FMN1: variants seen among roughly 807,000 people sequenced by gnomAD.
The protein encoded by FMN1 is formin 1.
A neutral mutation model predicts 132.4 loss-of-function variants in FMN1; 110 were observed. The ratio of observed to expected loss-of-function variants is 0.83; its 90% CI spans 0.71 to 0.97. The LOEUF (loss-of-function observed/expected upper bound fraction) is 0.97, where lower values mean the gene tolerates loss of function less well. FMN1 is among the 50% of genes least tolerant of loss of function. The probability of loss-of-function intolerance (pLI) is 0.00; values close to 1 mark genes in which losing one functional copy is unlikely to be tolerated. For missense variants in FMN1, 1,792 were observed against 1,705.3 expected (o/e 1.05, Z -0.90); for synonymous variants, 722 against 651.7 (o/e 1.11, Z -1.64).
At chr15:32,875,980 G>A (rs2059627421) in intron 16 of FMN1, among the ~76,000 whole-genome samples, 1 of 152,086 alleles carries the variant, frequency 6.6e-6, no homozygotes, top group African/African-American at 2.4e-5. Flanking sequence ...AGCTGCATAT[G>A]CCTGCCCTAC....
intron 12 of FMN1, among the ~76,000 whole-genome samples, chr15:32,905,154 G>A (rs926313290): frequency 1.3e-5 from 2 of 152,192 alleles, no homozygotes; most frequent in Non-Finnish European, 2.9e-5. Flanking sequence ...TATGAAAGAC[G>A]TTCTGTGTCT....
intron 16 of FMN1, among the ~76,000 whole-genome samples, chr15:32,879,886 C>T (rs931110326): frequency 2.0e-5 from 3 of 151,840 alleles, no homozygotes; most frequent in African/African-American, 7.3e-5. Context: ...CAAAGTTATA[C>T]GTGCACGCAG....
In FMN1 at chr15:33,020,883, A is replaced by G. The variant is rs186378664; in HGVS notation, c.2162-12808T>C. On this transcript the variant is annotated intron_variant, in intron 6 of 20. Coordinates refer to ENST00000616417, the MANE Select transcript of FMN1 (RefSeq NM_001277313.2). ...AGACTTTATTGTATTTCATTTGATC[A>G]TTTTATATATGTTAATGTGAACGAC... 4.0e-3 allele frequency among the ~76,000 whole-genome samples: 614 copies of G among 152,286 alleles called. 24 individuals are homozygous for G. In the South Asian group the frequency reaches 0.083, roughly 21 times the overall value.
chr15:33,147,690 C>T (rs1380131235), intron 4 of FMN1, among the ~76,000 whole-genome samples: 2 of 152,130 alleles, frequency 1.3e-5, no homozygotes, highest in African/African-American at 4.8e-5. Context: ...AATCACATTC[C>T]CCTTTAAAAA....
intron 16 of FMN1, among the ~76,000 whole-genome samples, chr15:32,886,194 T>C (rs1042795783): frequency 2.0e-5 from 3 of 152,206 alleles, no homozygotes; most frequent in Non-Finnish European, 2.9e-5. Flanking sequence ...CTTTCATGTG[T>C]TGAAAACACT....
intron 9 of FMN1, among the ~76,000 whole-genome samples, chr15:32,927,605 A>G (rs2060994018): frequency 6.6e-6 from 1 of 152,202 alleles, no homozygotes; most frequent in Non-Finnish European, 1.5e-5. Flanking sequence ...ATCTTCATAG[A>G]AACTCCACAT....
chr15:33,122,854 T>G (rs1269856535), intron 4 of FMN1, among the ~76,000 whole-genome samples: 1 of 152,174 alleles, frequency 6.6e-6, no homozygotes, highest in African/African-American at 2.4e-5. Flanking sequence ...AGAAAGAGAT[T>G]GACATAGTAT....
intron 7 of FMN1, among the ~76,000 whole-genome samples, chr15:32,978,206 C>CT (rs1326293600): frequency 1.3e-5 from 2 of 152,056 alleles, no homozygotes; most frequent in Admixed American, 1.3e-4. Context: ...AGGAATACAC[C>CT]TTTAAAATCA....
At chr15:33,131,221 C>T (rs6494893) in intron 4 of FMN1, among the ~76,000 whole-genome samples, 33,808 of 150,192 alleles carry the variant, frequency 0.23, 5,624 homozygotes, top group African/African-American at 0.48. Flanking sequence ...CCCAGCTACT[C>T]GGGAGGCTGA....
intron 16 of FMN1, among the ~76,000 whole-genome samples, chr15:32,864,369 T>C (rs1170757496): frequency 6.6e-6 from 1 of 152,186 alleles, no homozygotes; most frequent in Admixed American, 6.5e-5. Context: ...ATAAGTTAGA[T>C]TTTGAAAGGG....
In FMN1 at chr15:33,154,361, C is replaced by T. The variant is rs914975262; in HGVS notation, c.554G>A (p.Arg185Gln). The T allele has an allele frequency of 1.8e-5, 27 of 1,536,028 alleles. No homozygotes were observed. The highest frequency in any genetic ancestry group is 2.7e-5 in the African/African-American group (2 of 73,028). The change falls in exon 4 of 21, where the codon CGA (arginine) becomes CAA (glutamine). Residue 185 changes from arginine (R) to glutamine (Q), a missense_variant. Physicochemically the swap from Arg to Gln is conservative, Grantham distance 43. Transcript: ENST00000616417. ...CTTGCCCATCAGAGGAGCTGATTCT[C>T]GGCCTCCACGCCCTTTTCTTTTGGT... Reference protein sequence around the residue: ...KRTKRKGRGGRESAPLMGKDK... With the variant: ...KRTKRKGRGGQESAPLMGKDK...
intron 19 of FMN1, among the ~76,000 whole-genome samples, chr15:32,796,956 G>A (rs749317372): frequency 2.3e-4 from 35 of 152,276 alleles, no homozygotes; most frequent in African/African-American, 7.2e-4. Context: ...CTGAAACTGC[G>A]AAATGAGAAG....
At chr15:32,870,987 A>C (rs1163432102) in intron 16 of FMN1, among the ~76,000 whole-genome samples, 1 of 152,156 alleles carries the variant, frequency 6.6e-6, no homozygotes. Flanking sequence ...TTTCAAAAAC[A>C]ATAGGTAGGA....
intron 9 of FMN1, among the ~76,000 whole-genome samples, chr15:32,927,762 T>A (rs2060999445): frequency 6.6e-6 from 1 of 152,120 alleles, no homozygotes; most frequent in South Asian, 2.1e-4. Context: ...CTCTTTCCTC[T>A]CATGTGGCAG....
At chr15:32,816,227 C>T (rs920066906) in intron 17 of FMN1, among the ~76,000 whole-genome samples, 1 of 152,156 alleles carries the variant, frequency 6.6e-6, no homozygotes, top group Non-Finnish European at 1.5e-5. Flanking sequence ...GATTAAAGCA[C>T]ACTTCCTAGA....
intron 4 of FMN1, among the ~76,000 whole-genome samples, chr15:33,124,714 A>C (rs1962884797): frequency 6.6e-6 from 1 of 152,110 alleles, no homozygotes; most frequent in African/African-American, 2.4e-5. Flanking sequence ...CAAAGTCTGG[A>C]AGGAGAGGGA....
intron 4 of FMN1, among the ~76,000 whole-genome samples, chr15:33,097,064 T>C (rs2039112504): frequency 6.6e-6 from 1 of 151,616 alleles, no homozygotes; most frequent in East Asian, 1.9e-4. Context: ...GAGGCCGAGG[T>C]GGGTGGATCA....
At chr15:33,094,859 G>A (rs911618130) in intron 4 of FMN1, among the ~76,000 whole-genome samples, 1 of 152,180 alleles carries the variant, frequency 6.6e-6, no homozygotes, top group African/African-American at 2.4e-5. Flanking sequence ...CAGGGGCACA[G>A]ATGATGCTAA....
chr15:33,064,930 C>T (rs761977353), intron 6 of FMN1, 27 bp downstream of exon 6: 25 of 1,512,726 alleles, frequency 1.7e-5, no homozygotes, highest in East Asian at 2.3e-5. Flanking sequence ...GATTCATTCC[C>T]GGGTCCCTAG....
Sources: gnomAD v4.1 joint callset for allele counts (sites outside exome capture counted in the v4.1 genomes callset) on GRCh38, gnomAD v4.1.1 for gene constraint, MANE v1.5 for transcripts, NCBI Gene and HGNC (gene_info 2026-07-23, HGNC 2026-07-21) for gene names.